RIC1: variants seen among roughly 807,000 people sequenced by gnomAD.
The protein encoded by RIC1 is RIC1 partner of RAB6A GEF complex, also known as guanine nucleotide exchange factor subunit RIC1.
Under a neutral mutation model 169.0 loss-of-function variants are expected in RIC1, and 88 were observed. The ratio of observed to expected loss-of-function variants is 0.52; its 90% CI spans 0.44 to 0.62. RIC1 has a LOEUF of 0.62. Among genes scored for constraint, RIC1 ranks in the 20% least tolerant of loss-of-function variants. The pLI is 0.00. For missense variants in RIC1, 1,877 were observed against 1,725.5 expected, an observed-to-expected ratio of 1.09 and a Z score of -1.56; for synonymous variants, 790 against 601.5, an observed-to-expected ratio of 1.31 and a Z score of -4.59.
chr9:5,763,868 G>C lies in RIC1; in HGVS notation c.2841G>C (p.Gln947His). The change falls in exon 19 of 26, where the codon CAG becomes CAC. Residue 947 changes from glutamine to histidine, a missense_variant and splice_region_variant. By Grantham distance (24) the Gln-to-His change is conservative. Around this residue, in one of 3 missense-constraint regions of RIC1, gnomAD observed 681 missense variants for 582.0 expected, o/e 1.17. Coordinates refer to ENST00000414202, the MANE Select transcript of RIC1 (RefSeq NM_020829.4). This position sits in a 1 kb window ranked among gnomAD's most constrained non-coding sequence, Gnocchi z 5.2. Reference sequence around the variant, plus strand: ...CTGCCTCTTACCTTATTATCTTACAGGTAACAATTCTCTTCTTATAAAGGG... The same window carrying C: ...CTGCCTCTTACCTTATTATCTTACACGTAACAATTCTCTTCTTATAAAGGG... ...DTAASYLIILQNMEVPAVSRQ... is the reference protein window; with the variant it reads ...DTAASYLIILHNMEVPAVSRQ... 6.2e-7 allele frequency: 1 copy of C among 1,604,396 alleles called. No individual in the cohort carries two copies. Among genetic ancestry groups the C allele is most frequent in the Non-Finnish European group, 8.5e-7 (1 of 1,173,700 alleles).
At chr9:5,689,049 T>TTC (rs1821433395) in intron 2 of RIC1, among the ~76,000 whole-genome samples, 1 of 129,790 alleles carries the variant, frequency 7.7e-6, no homozygotes, top group Non-Finnish European at 1.7e-5. Context: ...AATTTCTTTT[T>TTC]TTTTTTTTTT....
In RIC1 at chr9:5,742,852, T is replaced by G; in HGVS notation, c.902-17T>G. ...AGCAACTATTTATTTTTAACTCTTC[T>G]CACTATTTCCTAACAGACATTTGGA... On this transcript the variant is annotated splice_polypyrimidine_tract_variant and intron_variant, in intron 8 of 25. Coordinates refer to ENST00000414202, the MANE Select transcript of RIC1 (RefSeq NM_020829.4). 6.3e-7 allele frequency: 1 copy of G among 1,597,302 alleles called. No homozygotes were observed. The highest frequency in any genetic ancestry group is 8.6e-7 in the Non-Finnish European group (1 of 1,168,792).
chr9:5,659,186 T>A (rs1819294703), intron 2 of RIC1, among the ~76,000 whole-genome samples: 2 of 152,290 alleles, frequency 1.3e-5, no homozygotes, highest in South Asian at 4.1e-4. Flanking sequence ...CTTGGTAGTC[T>A]TGTTGAAAAT....
Position 5,689,956 on chromosome 9 carries a change from C to T in RIC1, c.253-3C>T, listed in dbSNP as rs983040289. The T allele has an allele frequency of 1.1e-5, 17 of 1,579,416 alleles. No homozygotes were observed. The Admixed American group carries it at 2.2e-4, about 20-fold the overall frequency. ...TTCATGATTAATAAAATTTCTCTTT[C>T]AGACGGCAAATGGATACATCTTGTT... On this transcript the variant is annotated splice_region_variant and splice_polypyrimidine_tract_variant and intron_variant, in intron 2 of 25. Transcript: ENST00000414202.
intron 2 of RIC1, among the ~76,000 whole-genome samples, chr9:5,680,682 A>G (rs1820764449): frequency 6.6e-6 from 1 of 151,702 alleles, no homozygotes; most frequent in Non-Finnish European, 1.5e-5. Flanking sequence ...TTTCTGTGGG[A>G]TTGGTGGTGA....
At chr9:5,778,193 T>A (rs747277374), downstream of RIC1, among the ~76,000 whole-genome samples, 1 of 152,026 alleles carries the variant, frequency 6.6e-6, no homozygotes, top group Non-Finnish European at 1.5e-5. Context: ...ATTGCTACTG[T>A]AAAAAAAATG....
At chr9:5,765,173 G>T (rs1047753560) in intron 19 of RIC1, 4 of 385,354 alleles carry the variant, frequency 1.0e-5, no homozygotes, top group South Asian at 7.0e-5. Flanking sequence ...TAAATGAAAT[G>T]ACTTAAAGTA....
intron 12 of RIC1, among the ~76,000 whole-genome samples, chr9:5,752,654 A>G (rs897417462): frequency 6.6e-6 from 1 of 152,056 alleles, no homozygotes; most frequent in East Asian, 1.9e-4. Context: ...CAGGCTGGTC[A>G]CAAACTCCTG....
Position 5,765,527 on chromosome 9 carries a change from T to C in RIC1, c.2955T>C (p.Ile985=). Residue 985 remains isoleucine (I), a synonymous_variant, in exon 20 of 26, where the codon ATT becomes ATC. Transcript: ENST00000414202. Reference sequence around the variant, plus strand: ...ACATGATTCGATTTCTTAAAGCCATTGGCTCTGGAGAATCTGAGACACCTC... The same window carrying C: ...ACATGATTCGATTTCTTAAAGCCATCGGCTCTGGAGAATCTGAGACACCTC... ...CRHMIRFLKA[I]GSGESETPPS... 6.2e-7 allele frequency: 1 copy of C among 1,614,112 alleles called. No individual in the cohort carries two copies. Among genetic ancestry groups the C allele is most frequent in the Non-Finnish European group, 8.5e-7 (1 of 1,179,992 alleles).
chr9:5,640,912 C>G (rs1290339995), intron 1 of RIC1, among the ~76,000 whole-genome samples: 2 of 152,040 alleles, frequency 1.3e-5, no homozygotes, highest in Non-Finnish European at 2.9e-5. Context: ...TCAGCACTTT[C>G]AACATATTGT....
chr9:5,765,125 A>T (rs560982924), intron 19 of RIC1: 66 of 243,950 alleles, frequency 2.7e-4, no homozygotes, highest in Non-Finnish European at 4.8e-4. Context: ...CTTGTAAAAT[A>T]CAAATGATAT....
chr9:5,722,686 C>T (rs956646535), intron 6 of RIC1, among the ~76,000 whole-genome samples: 1 of 152,114 alleles, frequency 6.6e-6, no homozygotes, highest in Non-Finnish European at 1.5e-5. Context: ...AGGTATATCT[C>T]CTAATGCTAT....
At chr9:5,753,049 A>G in intron 12 of RIC1, 151 bp from the exon 13 acceptor site, 1 of 638,932 alleles carries the variant, frequency 1.6e-6, no homozygotes. Context: ...ATTGATTCAT[A>G]TACAAATGGT....
At chr9:5,746,151 C>T in intron 11 of RIC1, 68 bp downstream of exon 11, 3 of 1,243,570 alleles carry the variant, frequency 2.4e-6, no homozygotes, top group African/African-American at 1.5e-5. Flanking sequence ...TTCTTTATGA[C>T]ATATGTATGG....
At chr9:5,722,778 A>T (rs561556669) in intron 6 of RIC1, among the ~76,000 whole-genome samples, 1 of 152,076 alleles carries the variant, frequency 6.6e-6, no homozygotes, top group Non-Finnish European at 1.5e-5. Flanking sequence ...TCATTGTTCA[A>T]TTCCCACCTA....
chr9:5,657,619 T>C lies in RIC1; in HGVS notation c.252+929T>C, dbSNP rs150572127. ...AGCTTCCATTTACTATATCCTTATA[T>C]CTAATTTATCTCTTTGCGTTGGTCC... On this transcript the variant is annotated intron_variant, in intron 2 of 25. Coordinates refer to ENST00000414202, the MANE Select transcript of RIC1 (RefSeq NM_020829.4). Among the ~76,000 whole-genome samples the C allele has an allele frequency of 2.0e-3, 308 of 152,262 alleles. 2 individuals are homozygous for C. The highest frequency in any genetic ancestry group is 0.012 in the South Asian group (60 of 4,826).
At chr9:5,777,782 A>C (rs1827669595), downstream of RIC1, among the ~76,000 whole-genome samples, 2 of 152,118 alleles carry the variant, frequency 1.3e-5, no homozygotes, top group Admixed American at 6.5e-5. Flanking sequence ...TCAACTATAG[A>C]GGTATGGGTT....
chr9:5,729,036 C>G (rs927245655), intron 6 of RIC1, among the ~76,000 whole-genome samples: 13 of 152,196 alleles, frequency 8.5e-5, no homozygotes, highest in African/African-American at 2.9e-4. Context: ...CCCCTCTCCC[C>G]TCTCTGTCTC....
chr9:5,749,057 G>GAT (rs1825563951), intron 12 of RIC1, among the ~76,000 whole-genome samples: 1 of 152,140 alleles, frequency 6.6e-6, no homozygotes, highest in Non-Finnish European at 1.5e-5. Flanking sequence ...GGACCTAAGA[G>GAT]ATCATAAAGT....
Sources: gnomAD v4.1 joint callset for allele counts (sites outside exome capture counted in the v4.1 genomes callset) on GRCh38, gnomAD v4.1.1 for gene constraint, gnomAD v4.1.1 regional missense constraint, Gnocchi (gnomAD v3.1) non-coding constraint, MANE v1.5 for transcripts, NCBI Gene and HGNC (gene_info 2026-07-23, HGNC 2026-07-21) for gene names.